RTN4R: variants seen among roughly 807,000 people sequenced by gnomAD.
The protein encoded by RTN4R is reticulon 4 receptor, also known as reticulon-4 receptor.
Under a neutral mutation model 27.7 loss-of-function variants are expected in RTN4R, and 4 were observed. The ratio of observed to expected loss-of-function variants is 0.14; its 90% CI spans 0.07 to 0.33. The LOEUF (loss-of-function observed/expected upper bound fraction) is 0.33, where lower values mean the gene tolerates loss of function less well. Ranked by LOEUF, RTN4R falls within the 10% of genes least tolerant of loss-of-function variation. The pLI is 1.00. For synonymous variants in RTN4R, 290 were observed against 305.6 expected (o/e 0.95, Z 0.53); for missense variants, 554 against 671.5 (o/e 0.83, Z 1.93).
At chr22:20,258,859 G>A (rs755719440) in intron 1 of RTN4R, among the ~76,000 whole-genome samples, 30 of 152,202 alleles carry the variant, frequency 2.0e-4, no homozygotes, top group Admixed American at 3.9e-4. Flanking sequence ...GTGGCTTCCC[G>A]GAGGAAGTGA....
intron 1 of RTN4R, among the ~76,000 whole-genome samples, chr22:20,248,961 C>T: frequency 6.6e-6 from 1 of 152,242 alleles, no homozygotes; most frequent in South Asian, 2.1e-4. Context: ...CCTCGGCTCC[C>T]ACCCCAGTGA....
chr22:20,256,967 CA>C (rs1176861888), intron 1 of RTN4R, among the ~76,000 whole-genome samples: 1 of 152,260 alleles, frequency 6.6e-6, no homozygotes, highest in African/African-American at 2.4e-5. Flanking sequence ...GCCCACTTAG[CA>C]GGCTTCTGTG....
chr22:20,243,028 A>T lies in RTN4R; in HGVS notation c.105T>A (p.Asn35Lys). 2.5e-6 allele frequency: 4 copies of T among 1,605,156 alleles called. No individual in the cohort carries two copies. Among genetic ancestry groups the T allele is most frequent in the Non-Finnish European group, 3.4e-6 (4 of 1,179,804 alleles). The change falls in exon 2 of 2, where the codon AAT (asparagine) becomes AAA (lysine). Residue 35 changes from asparagine to lysine, a missense_variant. Asn to Lys is a moderately conservative substitution (Grantham distance 94). This residue lies in a region of RTN4R where 413 missense variants were observed against 542.3 expected (regional missense o/e 0.76). Coordinates refer to ENST00000043402, the MANE Select transcript of RTN4R (RefSeq NM_023004.6). ...APCPGACVCYNEPKVTTSCPQ... is the reference protein window; with the variant it reads ...APCPGACVCYKEPKVTTSCPQ... Reference sequence around the variant, plus strand: ...GGCAGCTTGTCGTCACCTTGGGCTCATTGTAGCATACGCAGGCACCTGGGC... The same window carrying T: ...GGCAGCTTGTCGTCACCTTGGGCTCTTTGTAGCATACGCAGGCACCTGGGC...
Position 20,242,947 on chromosome 22 carries a change from G to T in RTN4R, c.186C>A (p.Ile62=). The part of the protein sequence containing the change: ...PVGIPAASQR[I]FLHGNRISHV... ...GCGAGATGCGGTTGCCGTGCAGGAA[G>T]ATGCGCTGGCTGGCAGCAGGGATGC... Residue 62 remains isoleucine (I), a synonymous_variant, in exon 2 of 2, where the codon ATC becomes ATA. Transcript: ENST00000043402. 1.2e-6 allele frequency: 2 copies of T among 1,612,172 alleles called. No individual in the cohort carries two copies. The highest frequency in any genetic ancestry group is 1.7e-6 in the Non-Finnish European group (2 of 1,179,546).
rs377482069 is a variant in RTN4R at position 20,246,089 on chromosome 22, C to T, written c.23-2979G>A. On this transcript the variant is annotated intron_variant, in intron 1 of 1. Coordinates refer to ENST00000043402, the MANE Select transcript of RTN4R (RefSeq NM_023004.6). ...CTCCAGGGTCTCCTCCTGGGACCTCCCCGGAGGATGGCCCTGCTGGCTGTC... is the reference window on the plus strand; with the variant it reads ...CTCCAGGGTCTCCTCCTGGGACCTCTCCGGAGGATGGCCCTGCTGGCTGTC... Among the ~76,000 whole-genome samples, 11 of 152,356 alleles carry T rather than the reference C, an allele frequency of 7.2e-5. No homozygotes were observed. The East Asian group carries it at 1.7e-3, about 24-fold the overall frequency.
At chr22:20,249,766 G>A (rs2051164611) in intron 1 of RTN4R, among the ~76,000 whole-genome samples, 1 of 152,192 alleles carries the variant, frequency 6.6e-6, no homozygotes, top group Non-Finnish European at 1.5e-5. Flanking sequence ...GTGTTCTCTT[G>A]CCCTCAGCAT....
At position 20,268,302 on chromosome 22, in the gene RTN4R, CG is replaced by C. The variant is rs2051292863; in HGVS notation, c.-211del. The C allele has an allele frequency of 6.7e-3, 6 of 890 alleles. No individual in the cohort carries two copies. The highest frequency in any genetic ancestry group is 0.01 in the African/African-American group (2 of 200). The allele number at this position is 890 out of a possible 1,614,324, so 0.1% of individuals were successfully genotyped here. On this transcript the variant is annotated 5_prime_UTR_variant, in exon 1 of 2. Coordinates refer to ENST00000043402, the MANE Select transcript of RTN4R (RefSeq NM_023004.6). ...GCGCGCAGGGCGCACAGGGCGAGGG[CG>C]GCGGCGGCGCGGGGGTTGGGGCGTG...
intron 1 of RTN4R, among the ~76,000 whole-genome samples, chr22:20,257,461 T>G (rs1207854882): frequency 6.6e-6 from 1 of 152,084 alleles, no homozygotes; most frequent in Non-Finnish European, 1.5e-5. Flanking sequence ...GTACATGCCC[T>G]CCTCTCTCTC....
chr22:20,243,822 A>G (rs2145972972), intron 1 of RTN4R: 1 of 266,080 alleles, frequency 3.8e-6, no homozygotes, highest in Non-Finnish European at 7.7e-6. Context: ...AGCTGCCTGC[A>G]CCCCTCCCAC....
intron 1 of RTN4R, among the ~76,000 whole-genome samples, chr22:20,259,787 C>T (rs867939861): frequency 1.3e-4 from 20 of 152,206 alleles, no homozygotes; most frequent in South Asian, 4.1e-4. Context: ...ACCTCACCCC[C>T]GCTGCCACTC....
chr22:20,259,117 C>T (rs1466652181), intron 1 of RTN4R, among the ~76,000 whole-genome samples: 2 of 152,060 alleles, frequency 1.3e-5, no homozygotes, highest in Non-Finnish European at 2.9e-5. Flanking sequence ...TGGGGACAGG[C>T]CAAGGCATAG....
chr22:20,241,824 C>T lies in RTN4R; in HGVS notation c.1309G>A (p.Gly437Arg), dbSNP rs758157859. Residue 437 changes from glycine (G) to arginine (R), a missense_variant, in exon 2 of 2, where the codon GGG (glycine) becomes AGG (arginine). By Grantham distance (125) the Gly-to-Arg change is moderately radical. Transcript: ENST00000043402. The part of the protein sequence containing the change: ...SHCRLGQAGS[G>R]GGGTGDSEGS... Reference sequence around the variant, plus strand: ...TCTGAGTCACCAGTCCCGCCACCCCCGCTGCCTGCCTGGCCCAGACGGCAG... The same window carrying T: ...TCTGAGTCACCAGTCCCGCCACCCCTGCTGCCTGCCTGGCCCAGACGGCAG... The T allele has an allele frequency of 2.4e-5, 39 of 1,596,118 alleles. No individual in the cohort carries two copies. The highest frequency in any genetic ancestry group is 1.7e-4 in the Middle Eastern group (1 of 6,036).
At position 20,241,904 on chromosome 22, in the gene RTN4R, G is replaced by A. The variant is rs907135340; in HGVS notation, c.1229C>T (p.Thr410Ile). The change falls in exon 2 of 2, where the codon ACC becomes ATC. Residue 410 changes from threonine (T) to isoleucine (I), a missense_variant. Transcript: ENST00000043402. ...GCCTGGCCTCCGGCGAGGGCCCGAG[G>A]TGGGGAACCCTGGTGGCTCGGAGCC... ...PEGSEPPGFPTSGPRRRPGCS... is the reference protein window; with the variant it reads ...PEGSEPPGFPISGPRRRPGCS... 11 of 1,606,054 alleles carry A rather than the reference G, an allele frequency of 6.8e-6. No individual in the cohort carries two copies. Among genetic ancestry groups the A allele is most frequent in the Non-Finnish European group, 9.3e-6 (11 of 1,176,830 alleles).
rs186962964 is a variant in RTN4R at position 20,266,893 on chromosome 22, A to C, written c.22+1178T>G. Reference sequence around the variant, plus strand: ...ATACCAAGTTACACACACGCACACAAGCCCGAGGCGGGGACCCCCAGGACA... The same window carrying C: ...ATACCAAGTTACACACACGCACACACGCCCGAGGCGGGGACCCCCAGGACA... On this transcript the variant is annotated intron_variant, in intron 1 of 1. Coordinates refer to ENST00000043402, the MANE Select transcript of RTN4R (RefSeq NM_023004.6). Among the ~76,000 whole-genome samples, 514 of 151,638 alleles carry C rather than the reference A, an allele frequency of 3.4e-3. 2 individuals are homozygous for C. The highest frequency in any genetic ancestry group is 0.012 in the African/African-American group (487 of 41,502).
At chr22:20,249,321 C>A (rs906046499) in intron 1 of RTN4R, 2 of 458,548 alleles carry the variant, frequency 4.4e-6, no homozygotes, top group Non-Finnish European at 4.5e-6. Flanking sequence ...CATCTGCCTG[C>A]CTGACCCTGC....
At chr22:20,267,101 G>T (rs1482695235) in intron 1 of RTN4R, among the ~76,000 whole-genome samples, 3 of 152,260 alleles carry the variant, frequency 2.0e-5, no homozygotes, top group Non-Finnish European at 4.4e-5. Flanking sequence ...CCGTGGGTGT[G>T]CAGGCGGGGG....
At chr22:20,254,332 G>C (rs2051200671) in intron 1 of RTN4R, among the ~76,000 whole-genome samples, 1 of 151,566 alleles carries the variant, frequency 6.6e-6, no homozygotes, top group Admixed American at 6.6e-5. Context: ...GGGAGGTTGA[G>C]GTGGAAGGAT....
intron 1 of RTN4R, among the ~76,000 whole-genome samples, chr22:20,250,855 GCACACA>G (rs35094087): frequency 1.3e-5 from 2 of 150,320 alleles, no homozygotes; most frequent in Admixed American, 1.3e-4. Flanking sequence ...ACACATGCAT[GCACACA>G]CACACACACA....
At chr22:20,261,658 G>A (rs2051248001) in intron 1 of RTN4R, among the ~76,000 whole-genome samples, 1 of 152,224 alleles carries the variant, frequency 6.6e-6, no homozygotes, top group African/African-American at 2.4e-5. Flanking sequence ...CCCAGGGACA[G>A]AAGGGCACCA....
Sources: gnomAD v4.1 joint callset for allele counts (sites outside exome capture counted in the v4.1 genomes callset) on GRCh38, gnomAD v4.1.1 for gene constraint, gnomAD v4.1.1 regional missense constraint, MANE v1.5 for transcripts, NCBI Gene and HGNC (gene_info 2026-07-23, HGNC 2026-07-21) for gene names.